Variants in MMS22L observed in about 807,000 individuals in gnomAD.
The protein encoded by MMS22L is MMS22 like, DNA repair protein.
A neutral mutation model predicts 159.1 loss-of-function variants in MMS22L; 74 were observed. That is an observed-to-expected ratio of 0.47 (90% CI 0.39 to 0.56). MMS22L has a LOEUF of 0.56. MMS22L is among the 20% of genes least tolerant of loss of function. MMS22L has a pLI of 0.00. For synonymous variants in MMS22L, 517 were observed against 506.9 expected (o/e 1.02, Z -0.27); for missense variants, 1,351 against 1,422.1 (o/e 0.95, Z 0.80).
chr6:97,260,144 C>T (rs1362723406), intron 9 of MMS22L: 2 of 152,104 alleles, frequency 1.3e-5, no homozygotes, highest in Admixed American at 6.6e-5. Flanking sequence ...GACTTGTCTT[C>T]GGGTGGATTG....
intron 14 of MMS22L, among the ~76,000 whole-genome samples, chr6:97,220,277 T>C (rs1356489858): frequency 6.6e-6 from 1 of 152,138 alleles, no homozygotes; most frequent in Non-Finnish European, 1.5e-5. Context: ...AGTTACAGAT[T>C]AAGGTAAAAG....
chr6:97,165,132 G>A, intron 21 of MMS22L, 114 bp downstream of exon 21: 2 of 807,496 alleles, frequency 2.5e-6, no homozygotes, highest in Non-Finnish European at 3.9e-6. Flanking sequence ...AAAACAAAAA[G>A]CTTCTGAACT....
chr6:97,241,119 G>T (rs937091402), intron 11 of MMS22L, among the ~76,000 whole-genome samples: 1 of 152,086 alleles, frequency 6.6e-6, no homozygotes, highest in Non-Finnish European at 1.5e-5. Context: ...CTCAATCCAG[G>T]TTCCTGCAAA....
At chr6:97,161,327 C>T (rs914622886) in intron 22 of MMS22L, among the ~76,000 whole-genome samples, 4 of 152,016 alleles carry the variant, frequency 2.6e-5, no homozygotes, top group African/African-American at 9.7e-5. Context: ...TTAAGCTCCA[C>T]TAATTAATTT....
intron 14 of MMS22L, among the ~76,000 whole-genome samples, chr6:97,194,146 C>A (rs1295045117): frequency 6.6e-6 from 1 of 152,100 alleles, no homozygotes. Context: ...CAACCTCCAC[C>A]TCCTGGGTTC....
At chr6:97,219,690 G>A (rs954689962) in intron 14 of MMS22L, among the ~76,000 whole-genome samples, 1 of 152,112 alleles carries the variant, frequency 6.6e-6, no homozygotes, top group African/African-American at 2.4e-5. Flanking sequence ...CTGAACTCAG[G>A]TTTACTGACC....
chr6:97,208,366 A>T (rs1268892050), intron 14 of MMS22L, among the ~76,000 whole-genome samples: 1 of 152,098 alleles, frequency 6.6e-6, no homozygotes, highest in Non-Finnish European at 1.5e-5. Context: ...CATTCAACAG[A>T]CACGTCATGC....
chr6:97,221,756 A>T (rs1809677678), intron 14 of MMS22L, among the ~76,000 whole-genome samples: 2 of 152,044 alleles, frequency 1.3e-5, no homozygotes, highest in African/African-American at 4.8e-5. Flanking sequence ...AGATTTTATT[A>T]CCATGAGGGC....
chr6:97,176,751 T>A (rs1052868900), intron 18 of MMS22L, among the ~76,000 whole-genome samples: 3 of 152,148 alleles, frequency 2.0e-5, no homozygotes, highest in African/African-American at 7.2e-5. Flanking sequence ...ATTAAGCATA[T>A]CCTGTGTAAT....
At position 97,177,055 on chromosome 6, in the gene MMS22L, G is replaced by A. The variant is rs150319839; in HGVS notation, c.2679+1388C>T. Among the ~76,000 whole-genome samples the A allele has an allele frequency of 5.7e-3, 867 of 152,040 alleles. 4 individuals are homozygous for A. Among genetic ancestry groups the A allele is most frequent in the South Asian group, 0.013 (63 of 4,808 alleles). ...ATCATCACTCTTTTAGTCAAACACA[G>A]CATTTATTTCATATCCATTCAGAAA... On this transcript the variant is annotated intron_variant, in intron 18 of 24. Transcript: ENST00000683635.
intron 11 of MMS22L, among the ~76,000 whole-genome samples, chr6:97,237,959 A>G (rs1399753777): frequency 6.6e-6 from 1 of 152,230 alleles, no homozygotes; most frequent in Non-Finnish European, 1.5e-5. Context: ...AATTCATTTT[A>G]CCATGTAAAA....
intron 9 of MMS22L, chr6:97,261,910 C>T (rs2128073407): frequency 6.6e-6 from 1 of 152,110 alleles, no homozygotes. Context: ...ATCCTGGGCT[C>T]AATGGTTTGA....
chr6:97,220,493 T>A (rs1390011911), intron 14 of MMS22L, among the ~76,000 whole-genome samples: 2 of 152,122 alleles, frequency 1.3e-5, no homozygotes, highest in African/African-American at 4.8e-5. Context: ...AACTCTATGA[T>A]ATGTGAATTA....
intron 14 of MMS22L, among the ~76,000 whole-genome samples, chr6:97,220,659 C>T (rs1335605610): frequency 1.3e-5 from 2 of 151,402 alleles, no homozygotes; most frequent in African/African-American, 2.4e-5. Flanking sequence ...AGAAGACACA[C>T]GCTCCCCACC....
chr6:97,176,711 C>T (rs533725058), intron 18 of MMS22L, among the ~76,000 whole-genome samples: 1 of 152,292 alleles, frequency 6.6e-6, no homozygotes, highest in South Asian at 2.1e-4. Flanking sequence ...TAGTGTTTCA[C>T]ATGTCTTGTC....
At position 97,272,983 on chromosome 6, in the gene MMS22L, G is replaced by A. The variant is rs1010760873; in HGVS notation, c.420C>T (p.Phe140=). The A allele has an allele frequency of 1.9e-6, 3 of 1,612,586 alleles. No homozygotes were observed. The African/African-American group carries it at 4.0e-5, about 22-fold the overall frequency. Residue 140 remains phenylalanine (F), a synonymous_variant, in exon 5 of 25, where the codon TTC becomes TTT. Transcript: ENST00000683635. ...CVLFLHYVKV[F]IFRYLKVQNA... ...CTCATCTGATATCCTACCTGAAGAT[G>A]AAAACTTTAACATAATGGAGAAATA...
chr6:97,268,389 C>T (rs373944832), intron 7 of MMS22L, among the ~76,000 whole-genome samples: 42 of 151,956 alleles, frequency 2.8e-4, no homozygotes, highest in East Asian at 9.7e-4. Flanking sequence ...GGGGTTTCAC[C>T]GTGTTAGCCA....
At chr6:97,273,576 C>G (rs1815968736) in intron 4 of MMS22L, among the ~76,000 whole-genome samples, 1 of 152,174 alleles carries the variant, frequency 6.6e-6, no homozygotes, top group Admixed American at 6.5e-5. Context: ...TGTTAAACTG[C>G]CTAACACCTA....
intron 14 of MMS22L, among the ~76,000 whole-genome samples, chr6:97,190,615 C>T (rs577187016): frequency 6.6e-6 from 1 of 152,266 alleles, no homozygotes; most frequent in East Asian, 1.9e-4. Context: ...GAGACCAGCA[C>T]CATGCAAAGT....
Sources: gnomAD v4.1 joint callset for allele counts (sites outside exome capture counted in the v4.1 genomes callset) on GRCh38, gnomAD v4.1.1 for gene constraint, MANE v1.5 for transcripts, NCBI Gene and HGNC (gene_info 2026-07-23, HGNC 2026-07-21) for gene names.